Variants in CTNND2 observed in about 807,000 individuals in gnomAD.
CTNND2 encodes catenin delta-2.
CTNND2 carries 22 observed loss-of-function variants against 144.4 expected under a neutral mutation model. The ratio of observed to expected loss-of-function variants is 0.15; its 90% CI spans 0.11 to 0.22. The LOEUF (loss-of-function observed/expected upper bound fraction) is 0.22, where lower values mean the gene tolerates loss of function less well. Ranked by LOEUF, CTNND2 falls within the 10% of genes least tolerant of loss-of-function variation. The probability of loss-of-function intolerance (pLI) is 1.00; values close to 1 mark genes in which losing one functional copy is unlikely to be tolerated. For missense variants in CTNND2, 1,353 were observed against 1,618.8 expected, an observed-to-expected ratio of 0.84 and a Z score of 2.82; for synonymous variants, 751 against 695.6, an observed-to-expected ratio of 1.08 and a Z score of -1.25.
rs565385187 is a variant in CTNND2 at position 10,974,646 on chromosome 5, C to T, written c.3418-933G>A. Among the ~76,000 whole-genome samples, 9 of 152,268 alleles carry T rather than the reference C, an allele frequency of 5.9e-5. No homozygotes were observed. The South Asian group carries it at 1.9e-3, about 32-fold the overall frequency. On this transcript the variant is annotated intron_variant, in intron 21 of 21. Transcript: ENST00000304623. ...GCATACCGGGATGCACAAAGCTCTG[C>T]TAATGTGCAGTAATTGGGGAGGAGA...
chr5:11,029,197 G>A (rs1743187935), intron 16 of CTNND2, among the ~76,000 whole-genome samples: 1 of 152,062 alleles, frequency 6.6e-6, no homozygotes, highest in East Asian at 1.9e-4. Flanking sequence ...TAAGTTTTTT[G>A]TAGGCAACAT....
rs1491534675 is a variant in CTNND2 at position 11,584,418 on chromosome 5, T to TA, written c.175-19363_175-19362insT. ...TGTTCTATATATACATATATATATA[T>TA]TTTTTTTGGGGGGGGGGAGGAGGAA... On this transcript the variant is annotated intron_variant, in intron 2 of 21. Coordinates refer to ENST00000304623, the MANE Select transcript of CTNND2 (RefSeq NM_001332.4). Among the ~76,000 whole-genome samples the TA allele has an allele frequency of 1.7e-3, 55 of 32,740 alleles. 2 individuals carry two copies. In the South Asian group the frequency reaches 0.023, roughly 14 times the overall value. The allele number at this position is 32,740 out of a possible 152,430, so 21.5% of individuals were successfully genotyped here.
chr5:11,758,652 G>C (rs1312788783), intron 1 of CTNND2, among the ~76,000 whole-genome samples: 1 of 151,970 alleles, frequency 6.6e-6, no homozygotes, highest in Non-Finnish European at 1.5e-5. Context: ...ATTACTTTAT[G>C]TAACCATATC....
chr5:11,092,987 C>T (rs897073774), intron 15 of CTNND2, among the ~76,000 whole-genome samples: 1 of 152,192 alleles, frequency 6.6e-6, no homozygotes, highest in Non-Finnish European at 1.5e-5. Context: ...AGTTCTCTTG[C>T]ATTTTTTATT....
chr5:11,762,250 C>A, intron 1 of CTNND2, among the ~76,000 whole-genome samples: 1 of 152,064 alleles, frequency 6.6e-6, no homozygotes, highest in East Asian at 1.9e-4. Flanking sequence ...AGTAAGGACT[C>A]GTTGCCCAGA....
Position 11,246,655 on chromosome 5 carries a change from T to C in CTNND2, c.1629-9832A>G, listed in dbSNP as rs1404920382. On this transcript the variant is annotated intron_variant, in intron 9 of 21. Coordinates refer to ENST00000304623, the MANE Select transcript of CTNND2 (RefSeq NM_001332.4). ...GCTATGGCCACCACCAGGAAACTCA[T>C]ACAAGTTGGATGGGAAAGTAAAGCC... 8.2e-5 allele frequency among the ~76,000 whole-genome samples: 11 copies of C among 133,696 alleles called. No individual in the cohort carries two copies. In the Admixed American group the frequency reaches 1.0e-3, roughly 13 times the overall value. The allele number at this position is 133,696 out of a possible 152,430, so 87.7% of individuals were successfully genotyped here.
At chr5:11,842,095 T>G (rs370808807) in intron 1 of CTNND2, among the ~76,000 whole-genome samples, 62 of 151,634 alleles carry the variant, frequency 4.1e-4, no homozygotes, top group African/African-American at 1.4e-3. Context: ...TTTGCTGAAT[T>G]ATTTACCACA....
intron 9 of CTNND2, among the ~76,000 whole-genome samples, chr5:11,252,995 G>A (rs546809412): frequency 9.9e-5 from 15 of 152,166 alleles, no homozygotes; most frequent in East Asian, 3.9e-4. Flanking sequence ...CTTTTATAAA[G>A]CAATGAACTG....
intron 18 of CTNND2, among the ~76,000 whole-genome samples, chr5:10,998,787 A>G (rs1178326863): frequency 6.6e-6 from 1 of 152,250 alleles, no homozygotes; most frequent in Non-Finnish European, 1.5e-5. Flanking sequence ...AGCACATTGT[A>G]TTAACATTAC....
At chr5:11,042,684 G>C (rs918062048) in intron 16 of CTNND2, among the ~76,000 whole-genome samples, 1 of 152,180 alleles carries the variant, frequency 6.6e-6, no homozygotes, top group Non-Finnish European at 1.5e-5. Context: ...ATACCGGGAA[G>C]TCTTTGGTGG....
rs1479624921 is a variant in CTNND2, at chr5:11,732,059, AATCTTT to A, written c.174+71_174+76del. 3 of 1,409,336 alleles carry A rather than the reference AATCTTT, an allele frequency of 2.1e-6. No individual in the cohort carries two copies. In the African/African-American group the frequency reaches 4.3e-5, roughly 20 times the overall value. 87.3% of individuals were successfully genotyped at this position (1,409,336 alleles called of 1,614,324 possible). The stretch of plus-strand genomic sequence containing the variant: ...GTATGAGTTTCTTTTAACATAATTT[AATCTTT>A]AACGTTCATCTAGAAAAACAATTTT... On this transcript the variant is annotated intron_variant, in intron 2 of 21. Coordinates refer to ENST00000304623, the MANE Select transcript of CTNND2 (RefSeq NM_001332.4).
At chr5:11,900,841 T>A (rs1019325709) in intron 1 of CTNND2, among the ~76,000 whole-genome samples, 1 of 152,216 alleles carries the variant, frequency 6.6e-6, no homozygotes, top group African/African-American at 2.4e-5. Flanking sequence ...TAGTTTTTGT[T>A]CATTGTCTGA....
At position 11,098,622 on chromosome 5, in the gene CTNND2, C is replaced by G; in HGVS notation, c.2590G>C (p.Glu864Gln). ...LSECSNPDTL[E>Q]GAAGALQNLA... ...TTCTGCAGGGCGCCTGCCGCCCCTT[C>G]CAGCGTGTCTGGATTTGAGCACTCA... Residue 864 changes from glutamate (E) to glutamine (Q), a missense_variant, in exon 15 of 22, where the codon GAA (glutamate) becomes CAA (glutamine). Coordinates refer to ENST00000304623, the MANE Select transcript of CTNND2 (RefSeq NM_001332.4). 6.2e-7 allele frequency: 1 copy of G among 1,614,156 alleles called. No individual in the cohort carries two copies. Among genetic ancestry groups the G allele is most frequent in the Non-Finnish European group, 8.5e-7 (1 of 1,180,020 alleles).
chr5:11,201,342 A>C (rs1419109824), intron 10 of CTNND2, among the ~76,000 whole-genome samples: 1 of 152,178 alleles, frequency 6.6e-6, no homozygotes, highest in East Asian at 1.9e-4. Flanking sequence ...GCTTTGCTAA[A>C]ATAGTGTTTT....
rs575874364 is a variant in CTNND2, at chr5:11,641,411, G to A, written c.175-76355C>T. ...TGGAAAAGACATTTAATCTCTTTGA[G>A]CATCTATTTCCTTCTCAGAACAGGA... On this transcript the variant is annotated intron_variant, in intron 2 of 21. Coordinates refer to ENST00000304623, the MANE Select transcript of CTNND2 (RefSeq NM_001332.4). 9.5e-5 allele frequency among the ~76,000 whole-genome samples: 14 copies of A among 146,938 alleles called. No homozygotes were observed. In the East Asian group the frequency reaches 2.6e-3, roughly 27 times the overall value.
chr5:11,284,303 T>G (rs1747499600), intron 9 of CTNND2, among the ~76,000 whole-genome samples: 1 of 152,170 alleles, frequency 6.6e-6, no homozygotes, highest in South Asian at 2.1e-4. Flanking sequence ...AGGGTACAGA[T>G]GCAGGTTTGT....
intron 2 of CTNND2, among the ~76,000 whole-genome samples, chr5:11,643,063 G>T (rs1020593223): frequency 6.6e-6 from 1 of 152,122 alleles, no homozygotes; most frequent in African/African-American, 2.4e-5. Flanking sequence ...AATTATAACA[G>T]CAAAGAAACA....
At chr5:11,551,955 G>A (rs192553695) in intron 3 of CTNND2, among the ~76,000 whole-genome samples, 178 of 152,072 alleles carry the variant, frequency 1.2e-3, no homozygotes, top group African/African-American at 4.1e-3. Flanking sequence ...GGCTGGTCTC[G>A]AACTCCTGGC....
At chr5:11,094,832 C>T (rs1561293937) in intron 15 of CTNND2, among the ~76,000 whole-genome samples, 1 of 152,146 alleles carries the variant, frequency 6.6e-6, no homozygotes, top group South Asian at 2.1e-4. Context: ...CATTGTTAAG[C>T]TTTGTCTAAA....
Sources: allele counts gnomAD v4.1 joint callset (sites outside exome capture counted in the v4.1 genomes callset), GRCh38; gene constraint gnomAD v4.1.1; transcripts MANE v1.5; gene names NCBI Gene and HGNC (gene_info 2026-07-23, HGNC 2026-07-21).